DDR1: variants seen among roughly 807,000 people sequenced by gnomAD.
DDR1 encodes epithelial discoidin domain-containing receptor 1.
DDR1 carries 64 observed loss-of-function variants against 97.4 expected under a neutral mutation model. The ratio of observed to expected loss-of-function variants is 0.66; its 90% confidence interval spans 0.54 to 0.81. DDR1 has a LOEUF of 0.81. Ranked by LOEUF, DDR1 falls within the 30% of genes least tolerant of loss-of-function variation. DDR1 has a pLI of 0.00. For missense variants in DDR1, 990 were observed against 1,259.6 expected (o/e 0.79, Z 3.24); for synonymous variants, 458 against 503.7 (o/e 0.91, Z 1.21).
rs749521641 is a variant in DDR1, at chr6:30,889,187, C to T, written c.189-15C>T. The T allele has an allele frequency of 2.5e-6, 4 of 1,611,814 alleles. No individual in the cohort carries two copies. The highest frequency in any genetic ancestry group is 3.3e-5 in the Admixed American group (2 of 60,024). On this transcript the variant is annotated splice_polypyrimidine_tract_variant and intron_variant, in intron 3 of 17. Coordinates refer to ENST00000376568, the MANE Select transcript of DDR1 (RefSeq NM_001297654.2). This position sits in a 1 kb window ranked among gnomAD's most constrained non-coding sequence, Gnocchi z 4.9. The stretch of plus-strand genomic sequence containing the variant: ...CCTGGGGCCAGATGTTCTCTGTGCC[C>T]CTCTTCACCCTCAGGTTGGAGAGCA...
Position 30,890,229 on chromosome 6 carries a change from T to C in DDR1, c.418-744T>C, listed in dbSNP as rs1285267457. ...AGCTGAGTCCCTAGCTGGTGCAGGA[T>C]GCTCAGCCTGACCTGGCTCCTGCCT... is the stretch of plus-strand genomic sequence containing the variant. On this transcript the variant is annotated intron_variant, in intron 4 of 17. Transcript: ENST00000376568. The surrounding 1 kb of genome is among the most constrained non-coding windows in gnomAD (Gnocchi z 5.0). Among the ~76,000 whole-genome samples the C allele has an allele frequency of 6.6e-6, 1 of 152,170 alleles. No homozygotes were observed. The highest frequency in any genetic ancestry group is 1.5e-5 in the Non-Finnish European group (1 of 68,040).
rs1785030504 is a variant in DDR1 at position 30,884,525 on chromosome 6, C to T, written c.-228C>T. The T allele has an allele frequency of 6.6e-6, 1 of 151,868 alleles. No homozygotes were observed. The highest frequency in any genetic ancestry group is 1.5e-5 in the Non-Finnish European group (1 of 67,884). The allele number at this position is 151,868 out of a possible 1,614,324, so 9.4% of individuals were successfully genotyped here. On this transcript the variant is annotated 5_prime_UTR_variant, in exon 1 of 18. Coordinates refer to ENST00000376568, the MANE Select transcript of DDR1 (RefSeq NM_001297654.2). This position sits in a 1 kb window ranked among gnomAD's most constrained non-coding sequence, Gnocchi z 6.1. ...CCGAGCCGCCCCAGCCCTGGCTCCT[C>T]TCCCCGGAACAGGCCCCCGACAGCT...
rs35986185 is a variant in DDR1, at chr6:30,898,127, G to A, written c.2271G>A (p.Leu757=). ...AAQIASGMRY[L]ATLNFVHRDL... Reference sequence around the variant, plus strand: ...AGATCGCCTCCGGCATGCGCTATCTGGCCACACTCAACTTTGTACATCGGG... The same window carrying A: ...AGATCGCCTCCGGCATGCGCTATCTAGCCACACTCAACTTTGTACATCGGG... Residue 757 remains leucine (L), a synonymous_variant, in exon 16 of 18, where the codon CTG becomes CTA. Transcript: ENST00000376568. 3,753 of 1,614,230 alleles carry A rather than the reference G, an allele frequency of 2.3e-3. 94 individuals are homozygous for A. In the African/African-American group the frequency reaches 0.043, roughly 19 times the overall value.
chr6:30,892,386 G>C lies in DDR1; in HGVS notation c.943G>C (p.Gly315Arg). The C allele has an allele frequency of 1.3e-6, 2 of 1,594,134 alleles. No homozygotes were observed. Among genetic ancestry groups the C allele is most frequent in the Middle Eastern group, 1.7e-4 (1 of 5,860 alleles). ...FRRGPAMAWE[G>R]EPMRHNLGGN... The stretch of plus-strand genomic sequence containing the variant: ...GCGTGGCCCTGCCATGGCCTGGGAG[G>C]GGGAGCCCATGCGCCACAACCTAGG... The change falls in exon 8 of 18, where the codon GGG (glycine) becomes CGG (arginine). Residue 315 changes from glycine to arginine, a missense_variant. By Grantham distance (125) the Gly-to-Arg change is moderately radical. Transcript: ENST00000376568.
rs1582056677 is a variant in DDR1 at position 30,892,078 on chromosome 6, C to G, written c.742C>G (p.Arg248Gly). 3 of 1,614,030 alleles carry G rather than the reference C, an allele frequency of 1.9e-6. No individual in the cohort carries two copies. The highest frequency in any genetic ancestry group is 2.2e-5 in the South Asian group (2 of 91,088). The change falls in exon 7 of 18, where the codon CGG becomes GGG. Residue 248 changes from arginine to glycine, a missense_variant. Coordinates refer to ENST00000376568, the MANE Select transcript of DDR1 (RefSeq NM_001297654.2). The stretch of plus-strand genomic sequence containing the variant: ...TGACTTTAGGAAGAGTCAGGAGCTG[C>G]GGGTCTGGCCAGGCTATGACTATGT... ...LDDFRKSQEL[R>G]VWPGYDYVGW... is the part of the protein sequence containing the mutation.
At chr6:30,898,050 C>T (rs1267455180) in intron 15 of DDR1, 23 bp from the exon 16 acceptor site, 1 of 1,589,606 alleles carries the variant, frequency 6.3e-7, no homozygotes, top group Non-Finnish European at 8.6e-7. Context: ...CCCCCAGTGA[C>T]CTTCTGTCGG....
intron 16 of DDR1, 142 bp downstream of exon 16, chr6:30,898,449 A>T: frequency 1.5e-6 from 1 of 679,702 alleles, no homozygotes; most frequent in Non-Finnish European, 2.5e-6. Context: ...AGGTTCTCCT[A>T]GCCCAAGGGA....
At chr6:30,892,680 C>A in intron 8 of DDR1, 138 bp downstream of exon 8, 1 of 1,202,066 alleles carries the variant, frequency 8.3e-7, no homozygotes, top group Non-Finnish European at 1.1e-6. Context: ...ATTAGGGGTG[C>A]CCCAAATAAC....
In DDR1 at chr6:30,899,685, C is replaced by T. The variant is rs1390327026; in HGVS notation, c.*389C>T. ...ACACTGATTCCTGGAGAGGTGGCTG[C>T]GCCCCCAGCTTCTCTCTCCCTGTCA... On this transcript the variant is annotated 3_prime_UTR_variant, in exon 18 of 18. Transcript: ENST00000376568. 6 of 354,246 alleles carry T rather than the reference C, an allele frequency of 1.7e-5. No individual in the cohort carries two copies. The highest frequency in any genetic ancestry group is 7.5e-4 in the Middle Eastern group (1 of 1,334). 21.9% of individuals were successfully genotyped at this position (354,246 alleles called of 1,614,324 possible). A position where few individuals can be genotyped will look rare whatever the true frequency, so the allele number is the denominator to read the frequency against.
chr6:30,896,520 C>T (rs745806802), intron 12 of DDR1, 101 bp from the exon 13 acceptor site: 20 of 1,423,454 alleles, frequency 1.4e-5, no homozygotes, highest in East Asian at 4.7e-5. Context: ...CTCACTCAAC[C>T]GGGAGACACA....
upstream of DDR1, chr6:30,882,555 C>T (rs982736141): frequency 6.6e-6 from 1 of 152,360 alleles, no homozygotes; most frequent in Non-Finnish European, 1.5e-5. The surrounding 1 kb of genome is among the most constrained non-coding windows in gnomAD (Gnocchi z 4.8). Flanking sequence ...GCTCCAGCTC[C>T]CTTTCCGTTG....
chr6:30,890,718 C>T lies in DDR1; in HGVS notation c.418-255C>T. The T allele has an allele frequency of 2.2e-6, 1 of 454,268 alleles. No homozygotes were observed. Among genetic ancestry groups the T allele is most frequent in the South Asian group, 5.3e-5 (1 of 18,826 alleles). The allele number at this position is 454,268 out of a possible 1,614,324, so 28.1% of individuals were successfully genotyped here. A position where few individuals can be genotyped will look rare whatever the true frequency, so the allele number is the denominator to read the frequency against. ...TAGGCTTGGAGACAAATGGATGGAG[C>T]CAGGCAAGGAGAAGAGGGCAGCTGA... is the stretch of plus-strand genomic sequence containing the variant. On this transcript the variant is annotated intron_variant, in intron 4 of 17. Transcript: ENST00000376568. The surrounding 1 kb of genome is among the most constrained non-coding windows in gnomAD (Gnocchi z 5.0).
Position 30,898,060 on chromosome 6 carries a change from G to C in DDR1, c.2217-13G>C. ...AGCTGCCCCCAGTGACCTTCTGTCG[G>C]TTCCCTTCTCAGCTACCCAATGCTG... is the stretch of plus-strand genomic sequence containing the variant. On this transcript the variant is annotated splice_polypyrimidine_tract_variant and intron_variant, in intron 15 of 17. Coordinates refer to ENST00000376568, the MANE Select transcript of DDR1 (RefSeq NM_001297654.2). The C allele has an allele frequency of 6.2e-7, 1 of 1,607,844 alleles. No individual in the cohort carries two copies. The highest frequency in any genetic ancestry group is 8.5e-7 in the Non-Finnish European group (1 of 1,174,370).
In DDR1 at chr6:30,894,627, G is replaced by A. The variant is rs368547620; in HGVS notation, c.1469G>A (p.Arg490His). ...EPPPYQEPRP[R>H]GNPPHSAPCV... ...CCCCCGTACCAGGAGCCCCGGCCTC[G>A]TGGGAATCCGCCCCACTCCGCTCCC... The change falls in exon 11 of 18, where the codon CGT (arginine) becomes CAT (histidine). Residue 490 changes from arginine to histidine, a missense_variant. By Grantham distance (29) the Arg-to-His change is conservative. Transcript: ENST00000376568. This position sits in a 1 kb window ranked among gnomAD's most constrained non-coding sequence, Gnocchi z 5.7. 63 of 1,611,870 alleles carry A rather than the reference G, an allele frequency of 3.9e-5. No homozygotes were observed. Among genetic ancestry groups the A allele is most frequent in the Admixed American group, 1.3e-4 (8 of 59,726 alleles).
At position 30,890,021 on chromosome 6, in the gene DDR1, C is replaced by G. The variant is rs569828150; in HGVS notation, c.417+591C>G. Among the ~76,000 whole-genome samples, 21 of 152,306 alleles carry G rather than the reference C, an allele frequency of 1.4e-4. No individual in the cohort carries two copies. Among genetic ancestry groups the G allele is most frequent in the African/African-American group, 5.1e-4 (21 of 41,562 alleles). On this transcript the variant is annotated intron_variant, in intron 4 of 17. Coordinates refer to ENST00000376568, the MANE Select transcript of DDR1 (RefSeq NM_001297654.2). This position sits in a 1 kb window ranked among gnomAD's most constrained non-coding sequence, Gnocchi z 5.0. ...CCTCTACTGCCCTAGGCCACCTGCC[C>G]GCCATCTCCAGCTTAGATGAGTGCA... is the stretch of plus-strand genomic sequence containing the variant.
At position 30,895,487 on chromosome 6, in the gene DDR1, G is replaced by A. The variant is rs138565451; in HGVS notation, c.1597G>A (p.Ala533Thr). Residue 533 changes from alanine to threonine, a missense_variant, in exon 12 of 18, where the codon GCC (alanine) becomes ACC (threonine). Transcript: ENST00000376568. The part of the protein sequence containing the change: ...PPRGPGPPTP[A>T]WAKPTNTQAY... ...TCGAGGCCCGGGCCCCCCCACACCC[G>A]CCTGGGCCAAACCCACCAACACCCA... is the stretch of plus-strand genomic sequence containing the variant. 1.4e-5 allele frequency: 23 copies of A among 1,600,662 alleles called. No homozygotes were observed. The highest frequency in any genetic ancestry group is 9.0e-5 in the East Asian group (4 of 44,418).
At position 30,895,429 on chromosome 6, in the gene DDR1, C is replaced by T; in HGVS notation, c.1539C>T (p.Tyr513=). Residue 513 remains tyrosine, a synonymous_variant, in exon 12 of 18, where the codon TAC becomes TAT. Transcript: ENST00000376568. The part of the protein sequence containing the change: ...GSALLLSNPA[Y]RLLLATYARP... The stretch of plus-strand genomic sequence containing the variant: ...CGTTGCTGCTCTCCAATCCAGCCTA[C>T]CGCCTCCTTCTGGCCACTTACGCCC... 1 of 1,611,232 alleles carries T rather than the reference C, an allele frequency of 6.2e-7. No individual in the cohort carries two copies. Among genetic ancestry groups the T allele is most frequent in the Non-Finnish European group, 8.5e-7 (1 of 1,179,316 alleles).
intron 16 of DDR1, 80 bp downstream of exon 16, chr6:30,898,387 C>T (rs1029114966): frequency 1.5e-5 from 15 of 1,002,396 alleles, no homozygotes; most frequent in Non-Finnish European, 2.0e-5. Flanking sequence ...TGGTCTCCAT[C>T]AGTCACACAC....
chr6:30,899,925 C>T lies in DDR1; in HGVS notation c.*629C>T, dbSNP rs755801654. On this transcript the variant is annotated 3_prime_UTR_variant, in exon 18 of 18. Coordinates refer to ENST00000376568, the MANE Select transcript of DDR1 (RefSeq NM_001297654.2). Reference sequence around the variant, plus strand: ...TAGCTAGAACTTCTCTAAGCCTATACGTTTCTGTGGAGTAAATATTGGGAT... The same window carrying T: ...TAGCTAGAACTTCTCTAAGCCTATATGTTTCTGTGGAGTAAATATTGGGAT... 1.9e-5 allele frequency: 10 copies of T among 530,040 alleles called. No homozygotes were observed. Among genetic ancestry groups the T allele is most frequent in the Admixed American group, 4.4e-5 (2 of 45,778 alleles). 32.8% of individuals were successfully genotyped at this position (530,040 alleles called of 1,614,324 possible). A position where few individuals can be genotyped will look rare whatever the true frequency, so the allele number is the denominator to read the frequency against.
Sources: allele counts gnomAD v4.1 joint callset (sites outside exome capture counted in the v4.1 genomes callset), GRCh38; gene constraint gnomAD v4.1.1; non-coding constraint Gnocchi (gnomAD v3.1); transcripts MANE v1.5; gene names NCBI Gene and HGNC (gene_info 2026-07-23, HGNC 2026-07-21).